The following B3GAT1 variants were observed in gnomAD, a reference collection of about 807,000 sequenced individuals.
B3GAT1 encodes the protein galactosylgalactosylxylosylprotein 3-beta-glucuronosyltransferase 1.
B3GAT1 carries 11 observed loss-of-function variants against 28.4 expected under a neutral mutation model. The observed-to-expected ratio is 0.39, with a 90% confidence interval of 0.24 to 0.64. The LOEUF is 0.64. Ranked by LOEUF, B3GAT1 falls within the 30% of genes least tolerant of loss-of-function variation. The pLI is 0.50. For missense variants in B3GAT1, 375 were observed against 491.0 expected (o/e 0.76, Z 2.23); for synonymous variants, 255 against 223.1 (o/e 1.14, Z -1.27).
At chr11:134,382,331 A>G (rs1944148333) in intron 4 of B3GAT1, among the ~76,000 whole-genome samples, 1 of 152,156 alleles carries the variant, frequency 6.6e-6, no homozygotes, top group Admixed American at 6.5e-5. Flanking sequence ...ATACGTATGC[A>G]TGTTCATGTG....
At chr11:134,392,753 C>G (rs1165648728) in intron 1 of B3GAT1, among the ~76,000 whole-genome samples, 1 of 152,082 alleles carries the variant, frequency 6.6e-6, no homozygotes, top group African/African-American at 2.4e-5. Context: ...TGGGAAGGCT[C>G]TGATTGACCC....
chr11:134,382,836 G>A lies in B3GAT1; in HGVS notation c.792C>T (p.Leu264=), dbSNP rs372009493. 4 of 1,614,082 alleles carry A rather than the reference G, an allele frequency of 2.5e-6. No homozygotes were observed. Among genetic ancestry groups the A allele is most frequent in the Admixed American group, 3.3e-5 (2 of 60,006 alleles). ...AGTAGGCCTGGCTTCGCTGCAGAAT[G>A]AGCCGCAGGTTGACGGCAAATCCAG... ...DMAGFAVNLR[L]ILQRSQAYFK... The change falls in exon 4 of 6, where the codon CTC becomes CTT. Residue 264 remains leucine (L), a synonymous_variant. Transcript: ENST00000312527.
intron 1 of B3GAT1, among the ~76,000 whole-genome samples, chr11:134,408,434 C>T (rs1944779363): frequency 9.2e-6 from 1 of 109,036 alleles, no homozygotes. Context: ...CAGCCTGCAC[C>T]GACTCCAGTG....
In B3GAT1 at chr11:134,411,211, C is replaced by G. The variant is rs1469168303; in HGVS notation, c.-282+596G>C. On this transcript the variant is annotated intron_variant, in intron 1 of 5. Transcript: ENST00000312527. The surrounding 1 kb of genome is among the most constrained non-coding windows in gnomAD (Gnocchi z 6.0). Reference sequence around the variant, plus strand: ...ACTTTGGAGGGATTGGGACCTCAGACCTGAGCCCAGGTGCAGATGGGAGGG... The same window carrying G: ...ACTTTGGAGGGATTGGGACCTCAGAGCTGAGCCCAGGTGCAGATGGGAGGG... Among the ~76,000 whole-genome samples, 1 of 152,194 alleles carries G rather than the reference C, an allele frequency of 6.6e-6. No homozygotes were observed. Among genetic ancestry groups the G allele is most frequent in the Non-Finnish European group, 1.5e-5 (1 of 68,036 alleles).
At chr11:134,391,595 ACCCAGGAGAG>A (rs1488306740) in intron 1 of B3GAT1, 2 of 152,484 alleles carry the variant, frequency 1.3e-5, no homozygotes, top group African/African-American at 4.8e-5. Flanking sequence ...GCTTGGCCAC[ACCCAGGAGAG>A]CCCAGGAGAT....
intron 1 of B3GAT1, among the ~76,000 whole-genome samples, chr11:134,403,371 C>CGGG (rs1944658628): frequency 6.6e-6 from 1 of 152,218 alleles, no homozygotes; most frequent in East Asian, 1.9e-4. Context: ...ATAGTCCCTC[C>CGGG]ACTTGCTGAG....
chr11:134,387,779 C>A lies in B3GAT1; in HGVS notation c.-120G>T. The A allele has an allele frequency of 6.5e-7, 1 of 1,544,994 alleles. No individual in the cohort carries two copies. The highest frequency in any genetic ancestry group is 8.7e-7 in the Non-Finnish European group (1 of 1,148,432). On this transcript the variant is annotated 5_prime_UTR_variant, in exon 2 of 6. Coordinates refer to ENST00000312527, the MANE Select transcript of B3GAT1 (RefSeq NM_054025.3). ...AAGAACAGGCATGGGCCGGGCCGGC[C>A]AGGCATGGAGAGGACAGAGCAGCTG...
Position 134,411,387 on chromosome 11 carries a change from G to C in B3GAT1, c.-282+420C>G, listed in dbSNP as rs1174624293. 6.6e-6 allele frequency among the ~76,000 whole-genome samples: 1 copy of C among 152,130 alleles called. No homozygotes were observed. Among genetic ancestry groups the C allele is most frequent in the Non-Finnish European group, 1.5e-5 (1 of 68,026 alleles). ...CTTGGCAGTGCCCAGGAGCCAGAGA[G>C]CGATCCAGAGAGCGCTGTTGGGCAG... On this transcript the variant is annotated intron_variant, in intron 1 of 5. Coordinates refer to ENST00000312527, the MANE Select transcript of B3GAT1 (RefSeq NM_054025.3). The surrounding 1 kb of genome is among the most constrained non-coding windows in gnomAD (Gnocchi z 6.0).
chr11:134,386,524 G>A (rs1224024338), intron 2 of B3GAT1: 1 of 152,238 alleles, frequency 6.6e-6, no homozygotes, highest in African/African-American at 2.4e-5. Context: ...AGAGCCAGGG[G>A]AAAGGAGTTC....
chr11:134,405,041 C>G (rs560135231), intron 1 of B3GAT1, among the ~76,000 whole-genome samples: 1 of 152,194 alleles, frequency 6.6e-6, no homozygotes, highest in Non-Finnish European at 1.5e-5. Context: ...ACTCTGTGGT[C>G]TGTGGATGAG....
intron 1 of B3GAT1, among the ~76,000 whole-genome samples, chr11:134,405,944 C>G (rs1944723066): frequency 6.6e-6 from 1 of 152,218 alleles, no homozygotes; most frequent in Non-Finnish European, 1.5e-5. Flanking sequence ...GTCCCTCCCT[C>G]TGGCCTCCGG....
chr11:134,382,833 A>G lies in B3GAT1; in HGVS notation c.795T>C (p.Ile265=). The G allele has an allele frequency of 6.2e-7, 1 of 1,614,158 alleles. No homozygotes were observed. Among genetic ancestry groups the G allele is most frequent in the Non-Finnish European group, 8.5e-7 (1 of 1,180,028 alleles). ...MAGFAVNLRL[I]LQRSQAYFKL... Reference sequence around the variant, plus strand: ...TGAAGTAGGCCTGGCTTCGCTGCAGAATGAGCCGCAGGTTGACGGCAAATC... The same window carrying G: ...TGAAGTAGGCCTGGCTTCGCTGCAGGATGAGCCGCAGGTTGACGGCAAATC... The change falls in exon 4 of 6, where the codon ATT becomes ATC. Residue 265 remains isoleucine (I), a synonymous_variant. Coordinates refer to ENST00000312527, the MANE Select transcript of B3GAT1 (RefSeq NM_054025.3).
At chr11:134,409,328 G>T (rs568295433) in intron 1 of B3GAT1, among the ~76,000 whole-genome samples, 1 of 152,248 alleles carries the variant, frequency 6.6e-6, no homozygotes, top group South Asian at 2.1e-4. Context: ...CTGGGGAGGG[G>T]GTGCATGACT....
intron 1 of B3GAT1, among the ~76,000 whole-genome samples, chr11:134,405,245 C>A (rs1565460042): frequency 6.6e-6 from 1 of 152,142 alleles, no homozygotes; most frequent in Non-Finnish European, 1.5e-5. Context: ...GCAGTGGTGA[C>A]CTCCTTAGGC....
At chr11:134,381,147 C>G (rs1944112018) in intron 5 of B3GAT1, among the ~76,000 whole-genome samples, 1 of 152,212 alleles carries the variant, frequency 6.6e-6, no homozygotes, top group Admixed American at 6.5e-5. Flanking sequence ...CACAGAAAAG[C>G]CCCTGAAAAT....
intron 1 of B3GAT1, among the ~76,000 whole-genome samples, chr11:134,403,101 C>T (rs766175194): frequency 3.1e-4 from 47 of 152,062 alleles, no homozygotes; most frequent in Non-Finnish European, 4.1e-4. Context: ...CCCAGGCTAC[C>T]TATCACACAG....
rs747278336 is a variant in B3GAT1, at chr11:134,387,737, G to A, written c.-78C>T. ...CAGGAGAGGGGCGGCCACGGGCGGCGGCAGCACAGGGGAGAAAAGAACAGG... is the reference window on the plus strand; with the variant it reads ...CAGGAGAGGGGCGGCCACGGGCGGCAGCAGCACAGGGGAGAAAAGAACAGG... On this transcript the variant is annotated 5_prime_UTR_variant, in exon 2 of 6. Transcript: ENST00000312527. 2.6e-5 allele frequency: 42 copies of A among 1,585,472 alleles called. No homozygotes were observed. Among genetic ancestry groups the A allele is most frequent in the Admixed American group, 1.8e-4 (10 of 55,334 alleles).
At chr11:134,382,393 ATGTG>A (rs1944152306) in intron 4 of B3GAT1, among the ~76,000 whole-genome samples, 1 of 136,214 alleles carries the variant, frequency 7.3e-6, no homozygotes, top group Non-Finnish European at 1.6e-5. Flanking sequence ...ATATGTGTGC[ATGTG>A]TGTGCATCTG....
At chr11:134,396,060 C>A (rs931772426) in intron 1 of B3GAT1, among the ~76,000 whole-genome samples, 5 of 152,200 alleles carry the variant, frequency 3.3e-5, no homozygotes, top group Admixed American at 1.3e-4. Flanking sequence ...AACATGGCCA[C>A]TTACTTCGTC....
Sources: allele counts gnomAD v4.1 joint callset (sites outside exome capture counted in the v4.1 genomes callset), GRCh38; gene constraint gnomAD v4.1.1; non-coding constraint Gnocchi (gnomAD v3.1); transcripts MANE v1.5; gene names NCBI Gene and HGNC (gene_info 2026-07-23, HGNC 2026-07-21).